Variants in ABCB4 observed in about 807,000 individuals in gnomAD.
The protein encoded by ABCB4 is phosphatidylcholine translocator ABCB4.
In ABCB4, 76 loss-of-function variants were observed where a neutral mutation model predicts 145.7. The observed-to-expected ratio is 0.52, with a 90% CI of 0.43 to 0.63. The LOEUF (loss-of-function observed/expected upper bound fraction) is 0.63, where lower values mean the gene tolerates loss of function less well. ABCB4 is among the 30% of genes least tolerant of loss of function. The pLI, the probability that ABCB4 is intolerant of heterozygous loss-of-function variation, is 0.00. For synonymous variants in ABCB4, 517 were observed against 566.8 expected, an observed-to-expected ratio of 0.91 and a Z score of 1.25; for missense variants, 1,234 against 1,553.1, an observed-to-expected ratio of 0.79 and a Z score of 3.45.
chr7:87,418,055 C>T (rs941022458), intron 20 of ABCB4, among the ~76,000 whole-genome samples: 5 of 152,220 alleles, frequency 3.3e-5, no homozygotes, highest in Non-Finnish European at 5.9e-5. Context: ...TGTGTGGAAG[C>T]AGTGAGCTGC....
chr7:87,422,011 C>T lies in ABCB4; in HGVS notation c.2316+110G>A. 4 of 817,852 alleles carry T rather than the reference C, an allele frequency of 4.9e-6. No homozygotes were observed. The South Asian group carries it at 6.3e-5, about 13-fold the overall frequency. The allele number at this position is 817,852 out of a possible 1,614,324, so 50.7% of individuals were successfully genotyped here. A position where few individuals can be genotyped will look rare whatever the true frequency, so the allele number is the denominator to read the frequency against. On this transcript the variant is annotated intron_variant, in intron 18 of 27. Transcript: ENST00000649586. ...CCCTCCAGCAGAGCCTTATGCCAAT[C>T]ATGTTTGCAATTTATTTCACTGTAA...
intron 15 of ABCB4, among the ~76,000 whole-genome samples, chr7:87,428,585 G>GA (rs537792944): frequency 1.7e-4 from 25 of 151,042 alleles, no homozygotes; most frequent in East Asian, 5.8e-4. Context: ...AACAAAGCAG[G>GA]AAAAAAAAAT....
At chr7:87,369,573 T>A in the ABCB4 span, 1 of 664,840 alleles carries the variant, frequency 1.5e-6, no homozygotes, top group Middle Eastern at 2.7e-4. Flanking sequence ...TTCAAGGTGA[T>A]AGTAAGCTGA....
At chr7:87,391,817 T>A in the ABCB4 span, 6 of 1,137,164 alleles carry the variant, frequency 5.3e-6, no homozygotes, top group Non-Finnish European at 6.2e-6. Flanking sequence ...CCTGGATCAT[T>A]AAAATACTTT....
rs1809159918 is a variant in ABCB4, at chr7:87,418,548, G to A, written c.2467C>T (p.Gln823Ter). The A allele has an allele frequency of 6.2e-7, 1 of 1,613,956 alleles. No homozygotes were observed. The highest frequency in any genetic ancestry group is 1.3e-5 in the African/African-American group (1 of 74,894). ...TGCAGTCTACCTACTCCTTGGACTT[G>A]GGCAGCATCTGTGGCAAGTCTTGTA... The part of the protein sequence containing the change: ...LSTRLATDAA[Q>*]VQGATGTRLA... The change falls in exon 20 of 28, where the codon CAA (glutamine) becomes TAA (stop). Residue 823 changes from glutamine to a stop codon, truncating the protein, a stop_gained. Transcript: ENST00000649586. LOFTEE classifies it high-confidence loss of function.
chr7:87,444,649 T>C (rs922770471), intron 10 of ABCB4, among the ~76,000 whole-genome samples: 3 of 152,184 alleles, frequency 2.0e-5, no homozygotes, highest in African/African-American at 7.2e-5. Flanking sequence ...AGATCAGTAT[T>C]ATTATATTAT....
intron 15 of ABCB4, among the ~76,000 whole-genome samples, chr7:87,428,132 T>G (rs1358535707): frequency 6.6e-6 from 1 of 152,190 alleles, no homozygotes; most frequent in Non-Finnish European, 1.5e-5. Context: ...ATCTCATCCA[T>G]GCTATCAAGA....
the ABCB4 span, among the ~76,000 whole-genome samples, chr7:87,389,976 T>C: frequency 6.6e-6 from 1 of 152,140 alleles, no homozygotes; most frequent in Admixed American, 6.6e-5. Context: ...TGATATACCT[T>C]ATAAGTCTTT....
chr7:87,384,048 G>A, the ABCB4 span, among the ~76,000 whole-genome samples: 1 of 152,062 alleles, frequency 6.6e-6, no homozygotes, highest in Non-Finnish European at 1.5e-5. Context: ...AACAATGTAT[G>A]AGGGTTCCCT....
intron 8 of ABCB4, chr7:87,448,771 T>C (rs1007409235): frequency 2.6e-5 from 4 of 152,278 alleles, no homozygotes; most frequent in African/African-American, 9.6e-5. Context: ...CAGAAACATG[T>C]TGGCTTTGAA....
At chr7:87,461,231 G>A (rs1363302472) in intron 4 of ABCB4, among the ~76,000 whole-genome samples, 1 of 152,168 alleles carries the variant, frequency 6.6e-6, no homozygotes, top group Non-Finnish European at 1.5e-5. Flanking sequence ...TTACAGGTGT[G>A]AACCACCAAC....
chr7:87,470,966 C>T (rs1358956529), intron 3 of ABCB4, among the ~76,000 whole-genome samples: 1 of 152,122 alleles, frequency 6.6e-6, no homozygotes, highest in East Asian at 1.9e-4. Context: ...TTGGAACCAA[C>T]CCAAATGTCC....
At chr7:87,461,398 T>A (rs563550816) in intron 4 of ABCB4, among the ~76,000 whole-genome samples, 9 of 152,324 alleles carry the variant, frequency 5.9e-5, no homozygotes, top group Non-Finnish European at 1.3e-4. Context: ...CTATACTATA[T>A]ATGATAATAA....
chr7:87,375,302 C>T, the ABCB4 span: 1 of 199,740 alleles, frequency 5.0e-6, no homozygotes. Context: ...TCAAGTTCTC[C>T]ATTGTAAGGA....
At position 87,455,565 on chromosome 7, in the gene ABCB4, C is replaced by T. The variant is rs192461066; in HGVS notation, c.287-973G>A. Among the ~76,000 whole-genome samples, 23 of 152,214 alleles carry T rather than the reference C, an allele frequency of 1.5e-4. No individual in the cohort carries two copies. In the East Asian group the frequency reaches 3.3e-3, roughly 22 times the overall value. On this transcript the variant is annotated intron_variant, in intron 4 of 27. Coordinates refer to ENST00000649586, the MANE Select transcript of ABCB4 (RefSeq NM_000443.4). ...CAGCCCAGGCAATTTGGCCTATGCTCGTAACACTATACTATACTGATTTAT... is the reference window on the plus strand; with the variant it reads ...CAGCCCAGGCAATTTGGCCTATGCTTGTAACACTATACTATACTGATTTAT...
intron 3 of ABCB4, among the ~76,000 whole-genome samples, chr7:87,464,082 G>T (rs1023000896): frequency 1.3e-5 from 2 of 152,020 alleles, no homozygotes; most frequent in African/African-American, 4.8e-5. Context: ...CCCCTTTTGG[G>T]GACAAAGAAC....
intron 15 of ABCB4, among the ~76,000 whole-genome samples, chr7:87,427,386 T>C (rs1809911747): frequency 6.6e-6 from 1 of 152,148 alleles, no homozygotes; most frequent in Non-Finnish European, 1.5e-5. Context: ...AGTATGGTCA[T>C]CTTCCTTCCT....
intron 24 of ABCB4, 141 bp from the exon 25 acceptor site, chr7:87,408,375 T>C: frequency 1.1e-6 from 1 of 883,546 alleles, no homozygotes; most frequent in East Asian, 2.6e-5. Context: ...TGCCAGTTAA[T>C]ATTGATAGCA....
chr7:87,384,278 T>C, the ABCB4 span, among the ~76,000 whole-genome samples: 58 of 152,302 alleles, frequency 3.8e-4, no homozygotes, highest in African/African-American at 1.4e-3. Context: ...ACACCTGTAG[T>C]CCCAGCAATT....
Sources: gnomAD v4.1 joint callset for allele counts (sites outside exome capture counted in the v4.1 genomes callset) on GRCh38, gnomAD v4.1.1 for gene constraint, MANE v1.5 for transcripts, NCBI Gene and HGNC (gene_info 2026-07-23, HGNC 2026-07-21) for gene names.